Variants in TBC1D5 observed in about 807,000 individuals in gnomAD.
TBC1D5 encodes TBC1 domain family member 5.
TBC1D5 carries 75 observed loss-of-function variants against 100.3 expected under a neutral mutation model. The ratio of observed to expected loss-of-function variants is 0.75; its 90% CI spans 0.62 to 0.91. The LOEUF (loss-of-function observed/expected upper bound fraction) is 0.91. Ranked by LOEUF, TBC1D5 falls within the 40% of genes least tolerant of loss-of-function variation. TBC1D5 has a pLI of 0.00. For missense variants in TBC1D5, 910 were observed against 942.4 expected (o/e 0.97, Z 0.45); for synonymous variants, 323 against 325.6 (o/e 0.99, Z 0.09).
At chr3:17,173,128 T>C (rs1200572772) in intron 19 of TBC1D5, among the ~76,000 whole-genome samples, 1 of 152,156 alleles carries the variant, frequency 6.6e-6, no homozygotes, top group African/African-American at 2.4e-5. Context: ...GCAACCCTTC[T>C]AGATGAGAAC....
chr3:17,404,720 T>TGA lies in TBC1D5; in HGVS notation c.413_414dup (p.Asn139SerfsTer25). 1 of 1,607,344 alleles carries TGA rather than the reference T, an allele frequency of 6.2e-7. No individual in the cohort carries two copies. Among genetic ancestry groups the TGA allele is most frequent in the African/African-American group, 1.3e-5 (1 of 74,562 alleles). Reference sequence around the variant, plus strand: ...CCTTCATCCTGTGAAAGAGGATTATTGATCATCAAATCTTGTTGGCCAACA... The same window carrying TGA: ...CCTTCATCCTGTGAAAGAGGATTATTGAGATCATCAAATCTTGTTGGCCAACA... On this transcript the variant is annotated frameshift_variant, in exon 7 of 22. Coordinates refer to ENST00000253692, the Ensembl canonical transcript of TBC1D5. LOFTEE classifies it high-confidence loss of function.
intron 2 of TBC1D5, chr3:17,547,196 T>C (rs2096425819): frequency 6.6e-6 from 1 of 152,216 alleles, no homozygotes; most frequent in Non-Finnish European, 1.5e-5. Flanking sequence ...GAATCTGACT[T>C]TATAATGAGA....
chr3:17,346,250 C>A lies in TBC1D5; in HGVS notation c.995+25825G>T, dbSNP rs564521903. Among the ~76,000 whole-genome samples, 3 of 152,212 alleles carry A rather than the reference C, an allele frequency of 2.0e-5. No homozygotes were observed. The South Asian group carries it at 6.2e-4, about 32-fold the overall frequency. On this transcript the variant is annotated intron_variant, in intron 13 of 21. Coordinates refer to ENST00000253692, the Ensembl canonical transcript of TBC1D5. ...GTGAAATTGATCCTTTCCATGAAACCTTCCAAATATGGGGTACACTGAATT... is the reference window on the plus strand; with the variant it reads ...GTGAAATTGATCCTTTCCATGAAACATTCCAAATATGGGGTACACTGAATT...
intron 2 of TBC1D5, among the ~76,000 whole-genome samples, chr3:17,616,224 C>G (rs1035770704): frequency 8.6e-5 from 13 of 151,904 alleles, no homozygotes; most frequent in Admixed American, 2.0e-4. Flanking sequence ...ATCCTGAGTT[C>G]TAATTTGATT....
chr3:17,307,960 A>C, intron 14 of TBC1D5, 32 bp downstream of exon 14: 1 of 1,584,588 alleles, frequency 6.3e-7, no homozygotes, highest in East Asian at 2.3e-5. Flanking sequence ...AGGAGTACCT[A>C]GTCAAATGTA....
chr3:17,589,483 CA>C (rs1024442437), intron 2 of TBC1D5, among the ~76,000 whole-genome samples: 31 of 152,286 alleles, frequency 2.0e-4, no homozygotes, highest in African/African-American at 7.5e-4. Context: ...TTAAGTCTCA[CA>C]AGATCTGATG....
At chr3:17,584,892 G>A (rs190667231) in intron 2 of TBC1D5, among the ~76,000 whole-genome samples, 38 of 152,214 alleles carry the variant, frequency 2.5e-4, no homozygotes, top group Non-Finnish European at 4.1e-4. Flanking sequence ...TCCTGACCTC[G>A]TATTTCACCC....
intron 13 of TBC1D5, among the ~76,000 whole-genome samples, chr3:17,326,780 T>C (rs1205530640): frequency 6.6e-6 from 1 of 152,184 alleles, no homozygotes; most frequent in Non-Finnish European, 1.5e-5. Context: ...AGCCTATACT[T>C]AGATATTAAA....
intron 18 of TBC1D5, among the ~76,000 whole-genome samples, chr3:17,210,257 G>A (rs1156643820): frequency 7.9e-5 from 12 of 151,280 alleles, no homozygotes; most frequent in Admixed American, 6.6e-4. Flanking sequence ...GCGCGATCTC[G>A]GCTCAATGCA....
At chr3:17,392,574 C>T (rs1488168957) in intron 8 of TBC1D5, among the ~76,000 whole-genome samples, 4 of 152,084 alleles carry the variant, frequency 2.6e-5, no homozygotes, top group African/African-American at 9.7e-5. Flanking sequence ...TCCATGTGTT[C>T]TCATTGTTTA....
At chr3:17,185,965 CT>C (rs199872710) in intron 18 of TBC1D5, among the ~76,000 whole-genome samples, 99 of 125,672 alleles carry the variant, frequency 7.9e-4, no homozygotes, top group Admixed American at 9.7e-4. Flanking sequence ...TTTTTCTTTT[CT>C]TTTTTTTTTT....
chr3:17,531,943 A>C (rs1397711532), intron 2 of TBC1D5, among the ~76,000 whole-genome samples: 7 of 152,208 alleles, frequency 4.6e-5, no homozygotes, highest in African/African-American at 1.4e-4. Context: ...TTCATGTCTA[A>C]AACACCAAAA....
At chr3:17,497,483 T>A (rs146558022) in intron 3 of TBC1D5, among the ~76,000 whole-genome samples, 411 of 152,374 alleles carry the variant, frequency 2.7e-3, no homozygotes, top group Non-Finnish European at 4.4e-3. Context: ...TCACTCTGTA[T>A]GATAAAATAT....
intron 13 of TBC1D5, among the ~76,000 whole-genome samples, chr3:17,369,428 G>C (rs2092349923): frequency 6.6e-6 from 1 of 152,062 alleles, no homozygotes; most frequent in East Asian, 1.9e-4. Flanking sequence ...ATTCTCACAG[G>C]CACCCTATGA....
At chr3:17,667,953 C>T (rs2067469892) in intron 1 of TBC1D5, among the ~76,000 whole-genome samples, 1 of 151,318 alleles carries the variant, frequency 6.6e-6, no homozygotes, top group Admixed American at 6.6e-5. Context: ...TTTAATAAAA[C>T]CATAAACAAC....
chr3:17,535,016 A>C (rs374723082), intron 2 of TBC1D5, among the ~76,000 whole-genome samples: 10 of 152,188 alleles, frequency 6.6e-5, no homozygotes, highest in African/African-American at 2.4e-4. Context: ...TAAAATGGTA[A>C]GTTTTTAATT....
intron 16 of TBC1D5, among the ~76,000 whole-genome samples, chr3:17,254,804 A>G (rs1287067586): frequency 6.9e-6 from 1 of 144,144 alleles, no homozygotes; most frequent in Non-Finnish European, 1.5e-5. Context: ...AGGTTTGATG[A>G]TATACTAGAA....
intron 17 of TBC1D5, among the ~76,000 whole-genome samples, chr3:17,217,151 T>C (rs2073746095): frequency 1.3e-5 from 2 of 152,162 alleles, no homozygotes; most frequent in African/African-American, 4.8e-5. Context: ...TGTGACTGGC[T>C]TCTTTCTCTT....
intron 13 of TBC1D5, among the ~76,000 whole-genome samples, chr3:17,321,330 T>C (rs1165296393): frequency 1.3e-5 from 2 of 152,260 alleles, no homozygotes; most frequent in African/African-American, 2.4e-5. Context: ...TACAGGTGTA[T>C]GCCACTAGGC....
Sources: allele counts gnomAD v4.1 joint callset (sites outside exome capture counted in the v4.1 genomes callset), GRCh38; gene constraint gnomAD v4.1.1; transcripts MANE v1.5; gene names NCBI Gene and HGNC (gene_info 2026-07-23, HGNC 2026-07-21).